IGF2R: variants seen among roughly 807,000 people sequenced by gnomAD.
IGF2R encodes the protein cation-independent mannose-6-phosphate receptor.
IGF2R carries 91 observed loss-of-function variants against 270.6 expected under a neutral mutation model. The ratio of observed to expected loss-of-function variants is 0.34; its 90% CI spans 0.28 to 0.40. The LOEUF is 0.40. Among genes scored for constraint, IGF2R ranks in the 10% least tolerant of loss-of-function variants. The pLI, the probability that IGF2R is intolerant of heterozygous loss-of-function variation, is 1.00. For missense variants in IGF2R, 2,805 were observed against 3,188.3 expected (o/e 0.88, Z 2.90); for synonymous variants, 1,316 against 1,258.9 (o/e 1.05, Z -0.96).
chr6:160,026,019 C>A (rs1178741935), intron 5 of IGF2R, among the ~76,000 whole-genome samples: 1 of 152,194 alleles, frequency 6.6e-6, no homozygotes, highest in Non-Finnish European at 1.5e-5. Context: ...ATTCTCCATT[C>A]CCAGGAAATT....
chr6:160,064,252 A>G (rs1243795536), intron 27 of IGF2R, 149 bp from the exon 28 acceptor site: 3 of 887,546 alleles, frequency 3.4e-6, no homozygotes, highest in Non-Finnish European at 5.6e-6. Context: ...CCCAAAGTGT[A>G]ATGTGACAGG....
At position 160,046,444 on chromosome 6, in the gene IGF2R, C is replaced by G; in HGVS notation, c.1904-54C>G. 4 of 1,538,894 alleles carry G rather than the reference C, an allele frequency of 2.6e-6. No individual in the cohort carries two copies. In the South Asian group the frequency reaches 3.7e-5, roughly 14 times the overall value. On this transcript the variant is annotated intron_variant, in intron 14 of 47. Transcript: ENST00000356956. ...TTTCAAACTGTGGGGTGAGACCACT[C>G]TGTTAACTGTCGGACTGACCTTCCA...
At chr6:159,980,918 G>A (rs1409300445) in intron 1 of IGF2R, among the ~76,000 whole-genome samples, 1 of 152,224 alleles carries the variant, frequency 6.6e-6, no homozygotes, top group African/African-American at 2.4e-5. Context: ...CAAAGTATGA[G>A]ACCGCCCAGG....
At chr6:159,985,245 A>G (rs908901281) in intron 1 of IGF2R, among the ~76,000 whole-genome samples, 6 of 152,230 alleles carry the variant, frequency 3.9e-5, no homozygotes, top group Non-Finnish European at 7.3e-5. Context: ...CTGAAACTAA[A>G]TGTTTTCTGA....
At chr6:160,042,878 C>T (rs749145299) in intron 11 of IGF2R, among the ~76,000 whole-genome samples, 9 of 152,006 alleles carry the variant, frequency 5.9e-5, no homozygotes, top group Non-Finnish European at 1.0e-4. Context: ...AGAATTTTGC[C>T]GTTCAGTTCT....
At chr6:160,095,302 C>T (rs1583304911) in intron 44 of IGF2R, 1 of 152,650 alleles carries the variant, frequency 6.6e-6, no homozygotes, top group East Asian at 1.9e-4. Flanking sequence ...GTGAAGCCTC[C>T]TGCATTCACA....
intron 42 of IGF2R, among the ~76,000 whole-genome samples, chr6:160,088,493 C>T (rs1477242098): frequency 6.6e-6 from 1 of 152,206 alleles, no homozygotes; most frequent in African/African-American, 2.4e-5. Context: ...CTGGCTGGGA[C>T]CCTCGAGCAG....
intron 4 of IGF2R, among the ~76,000 whole-genome samples, chr6:160,019,187 AG>A (rs1300172363): frequency 6.6e-6 from 1 of 152,206 alleles, no homozygotes; most frequent in East Asian, 1.9e-4. Flanking sequence ...GAAAATTTAG[AG>A]GAAATGTGTA....
Position 160,096,495 on chromosome 6 carries a change from A to G in IGF2R, c.6712A>G (p.Lys2238Glu). Residue 2238 changes from lysine to glutamate, a missense_variant, in exon 45 of 48, where the codon AAG becomes GAG. Lys to Glu is a moderately conservative substitution (Grantham distance 56). Coordinates refer to ENST00000356956, the MANE Select transcript of IGF2R (RefSeq NM_000876.4). ...SSSKCGKDKT[K>E]SVSSTIFFHC... is the part of the protein sequence containing the mutation. ...CTCTAAGTGCGGAAAGGATAAGACC[A>G]AGTCTGTTTCTTCCACCATCTTCTT... The G allele has an allele frequency of 1.2e-6, 2 of 1,614,114 alleles. No homozygotes were observed. The highest frequency in any genetic ancestry group is 1.7e-6 in the Non-Finnish European group (2 of 1,180,006).
chr6:160,003,408 A>G (rs1434197733), intron 2 of IGF2R: 6 of 152,214 alleles, frequency 3.9e-5, no homozygotes, highest in Non-Finnish European at 2.9e-5. Context: ...TTTAAAACGT[A>G]TATTCACATA....
Position 160,075,944 on chromosome 6 carries a change from A to T in IGF2R, c.5264A>T (p.His1755Leu), listed in dbSNP as rs1165490257. The change falls in exon 36 of 48, where the codon CAT (histidine) becomes CTT (leucine). Residue 1755 changes from histidine (H) to leucine (L), a missense_variant. Transcript: ENST00000356956. ...AGTACTCCTTGCTTAGCGGACAAGCATTTCAACTACACCTCGCTCATCGCG... is the reference window on the plus strand; with the variant it reads ...AGTACTCCTTGCTTAGCGGACAAGCTTTTCAACTACACCTCGCTCATCGCG... ...ESSTPCLADK[H>L]FNYTSLIAFH... 3 of 1,614,248 alleles carry T rather than the reference A, an allele frequency of 1.9e-6. No homozygotes were observed. The Admixed American group carries it at 5.0e-5, about 27-fold the overall frequency.
chr6:160,088,171 C>T (rs187456439), intron 42 of IGF2R, 24 bp downstream of exon 42: 13 of 1,403,902 alleles, frequency 9.3e-6, no homozygotes, highest in Non-Finnish European at 1.2e-5. Context: ...GGGCTCAGAG[C>T]GGGACTGTGC....
intron 22 of IGF2R, 109 bp from the exon 23 acceptor site, chr6:160,060,438 T>C: frequency 9.5e-7 from 1 of 1,053,950 alleles, no homozygotes; most frequent in Non-Finnish European, 1.4e-6. Flanking sequence ...CACGAACGGC[T>C]GTGAAGCTTG....
chr6:159,991,064 A>G (rs763005938), intron 1 of IGF2R, 120 bp from the exon 2 acceptor site: 5 of 950,504 alleles, frequency 5.3e-6, no homozygotes, highest in Non-Finnish European at 7.7e-6. Flanking sequence ...TTTTTGGCTA[A>G]GGAAAGTGTA....
chr6:160,069,161 A>G (rs1002018053), intron 30 of IGF2R, among the ~76,000 whole-genome samples: 2 of 152,044 alleles, frequency 1.3e-5, no homozygotes, highest in African/African-American at 4.8e-5. Context: ...CTGAGACTGG[A>G]TGTCAGCTGT....
At position 159,980,183 on chromosome 6, in the gene IGF2R, A is replaced by AAAAGAAAGAAAGAAAGAAAGAAAG. The variant is rs57599343; in HGVS notation, c.149+10821_149+10844dup. ...GCAACACAGTGAGACTCCGTCTCAA[A>AAAAGAAAGAAAGAAAGAAAGAAAG]AAAGAAAGAAAGAAAGAAAGAAAGA... On this transcript the variant is annotated intron_variant, in intron 1 of 47. Transcript: ENST00000356956. 1.2e-4 allele frequency among the ~76,000 whole-genome samples: 15 copies of AAAAGAAAGAAAGAAAGAAAGAAAG among 121,974 alleles called. 1 individual carries two copies. Among genetic ancestry groups the AAAAGAAAGAAAGAAAGAAAGAAAG allele is most frequent in the Admixed American group, 7.6e-4 (9 of 11,884 alleles). 80.0% of individuals were successfully genotyped at this position (121,974 alleles called of 152,430 possible).
At chr6:159,992,961 A>G (rs1408633916) in intron 2 of IGF2R, among the ~76,000 whole-genome samples, 3 of 152,182 alleles carry the variant, frequency 2.0e-5, no homozygotes, top group Non-Finnish European at 4.4e-5. Flanking sequence ...TCCAGTGGGT[A>G]TAAGATGGTG....
At chr6:160,000,728 G>GTTTTTGTTTTTTTTTTTT (rs1784114521) in intron 2 of IGF2R, among the ~76,000 whole-genome samples, 1 of 69,948 alleles carries the variant, frequency 1.4e-5, no homozygotes, top group Admixed American at 2.1e-4. Flanking sequence ...GTGTGAGGTT[G>GTTTTTGTTTTTTTTTTTT]TTTTTTTTTT....
chr6:160,049,118 G>A (rs965803020), intron 18 of IGF2R, among the ~76,000 whole-genome samples: 1 of 152,142 alleles, frequency 6.6e-6, no homozygotes, highest in African/African-American at 2.4e-5. Context: ...TACTTTTCTT[G>A]GTGTATGCTA....
Sources: allele counts gnomAD v4.1 joint callset (sites outside exome capture counted in the v4.1 genomes callset), GRCh38; gene constraint gnomAD v4.1.1; transcripts MANE v1.5; gene names NCBI Gene and HGNC (gene_info 2026-07-23, HGNC 2026-07-21).